The following MYBPC1 variants were observed in gnomAD, a reference collection of about 807,000 sequenced individuals.
MYBPC1 encodes the protein myosin binding protein C1, also known as myosin-binding protein C, slow-type.
A neutral mutation model predicts 147.1 loss-of-function variants in MYBPC1; 52 were observed. The ratio of observed to expected loss-of-function variants is 0.35; its 90% CI spans 0.28 to 0.45. The LOEUF (loss-of-function observed/expected upper bound fraction) is 0.45, where lower values mean the gene tolerates loss of function less well. Among genes scored for constraint, MYBPC1 ranks in the 20% least tolerant of loss-of-function variants. The pLI, the probability that MYBPC1 is intolerant of heterozygous loss-of-function variation, is 1.00. For synonymous variants in MYBPC1, 477 were observed against 475.9 expected, an observed-to-expected ratio of 1.00 and a Z score of -0.03; for missense variants, 1,228 against 1,440.3, an observed-to-expected ratio of 0.85 and a Z score of 2.39.
chr12:101,671,289 T>A (rs538872297), intron 24 of MYBPC1, among the ~76,000 whole-genome samples: 14 of 150,692 alleles, frequency 9.3e-5, no homozygotes, highest in African/African-American at 3.4e-4. Flanking sequence ...TGTAGGTCTC[T>A]ACACACATTT....
At chr12:101,624,066 G>A (rs930739286) in intron 3 of MYBPC1, among the ~76,000 whole-genome samples, 3 of 152,012 alleles carry the variant, frequency 2.0e-5, no homozygotes, top group African/African-American at 7.3e-5. Flanking sequence ...AGAGCTTTGA[G>A]ATATCCTGCA....
chr12:101,650,887 G>A (rs960642024), intron 15 of MYBPC1: 19 of 349,228 alleles, frequency 5.4e-5, no homozygotes, highest in Non-Finnish European at 9.4e-5. Context: ...TTCAAAATCT[G>A]ATGAGTAGTT....
In MYBPC1 at chr12:101,667,714, T is replaced by C; in HGVS notation, c.2357-18T>C. The C allele has an allele frequency of 6.2e-7, 1 of 1,614,156 alleles. No homozygotes were observed. The highest frequency in any genetic ancestry group is 8.5e-7 in the Non-Finnish European group (1 of 1,179,996). ...AACAGCATTCCTCCTTCTTTTCCTT[T>C]TCTTTTACGGACTTCAGCTGAGGAC... On this transcript the variant is annotated intron_variant, in intron 22 of 31. Transcript: ENST00000361466.
intron 1 of MYBPC1, among the ~76,000 whole-genome samples, chr12:101,598,089 C>G (rs537259051): frequency 6.6e-6 from 1 of 150,684 alleles, no homozygotes; most frequent in Non-Finnish European, 1.5e-5. Context: ...CCACAGTCTC[C>G]GCTCACTGCA....
chr12:101,630,177 CATA>C (rs767318350), intron 6 of MYBPC1, among the ~76,000 whole-genome samples: 1 of 152,196 alleles, frequency 6.6e-6, no homozygotes, highest in Non-Finnish European at 1.5e-5. Context: ...TTTCACTTAG[CATA>C]ATGTTTCCAA....
At chr12:101,606,349 A>G (rs1031482224) in intron 1 of MYBPC1, among the ~76,000 whole-genome samples, 1 of 152,150 alleles carries the variant, frequency 6.6e-6, no homozygotes, top group Non-Finnish European at 1.5e-5. Context: ...AAAAAGGCAA[A>G]TAATGTCTTA....
At chr12:101,670,795 G>GCACA (rs1898485257) in intron 24 of MYBPC1, among the ~76,000 whole-genome samples, 1 of 152,178 alleles carries the variant, frequency 6.6e-6, no homozygotes. Context: ...CAGGAAAACA[G>GCACA]TGTGTGCTTA....
Position 101,629,452 on chromosome 12 carries a change from C to A in MYBPC1, c.197C>A (p.Thr66Asn). 6.2e-7 allele frequency: 1 copy of A among 1,612,510 alleles called. No homozygotes were observed. The highest frequency in any genetic ancestry group is 2.2e-5 in the East Asian group (1 of 44,876). Residue 66 changes from threonine (T) to asparagine (N), a missense_variant, in exon 6 of 32, where the codon ACT (threonine) becomes AAT (asparagine). By Grantham distance (65) the Thr-to-Asn change is moderately conservative. Around this residue, in one of 2 missense-constraint regions of MYBPC1, gnomAD observed 151 missense variants for 126.1 expected, o/e 1.20. Coordinates refer to ENST00000361466, the MANE Select transcript of MYBPC1 (RefSeq NM_002465.4). ...RKDSDWTLVE[T>N]PPGEEQAKQN... Reference sequence around the variant, plus strand: ...TCATCAGACTGGACCCTTGTCGAAACTCCTCCTGGGGAGGAACAAGCCAAG... The same window carrying A: ...TCATCAGACTGGACCCTTGTCGAAAATCCTCCTGGGGAGGAACAAGCCAAG...
At chr12:101,627,639 T>C (rs1888917452) in intron 4 of MYBPC1, 130 bp from the exon 5 acceptor site, 1 of 981,740 alleles carries the variant, frequency 1.0e-6, no homozygotes, top group Non-Finnish European at 1.6e-6. Context: ...CCAAGCCAAC[T>C]TGTAGGGTTT....
chr12:101,683,022 T>G (rs1951115833), intron 30 of MYBPC1, among the ~76,000 whole-genome samples: 1 of 152,240 alleles, frequency 6.6e-6, no homozygotes, highest in Non-Finnish European at 1.5e-5. Flanking sequence ...TTTTTAAAGA[T>G]AGTTGACAGC....
chr12:101,629,365 A>C, intron 5 of MYBPC1, 69 bp from the exon 6 acceptor site: 1 of 1,062,052 alleles, frequency 9.4e-7, no homozygotes, highest in South Asian at 1.3e-5. Context: ...GAGAACAACA[A>C]ATCCAGGTAA....
intron 9 of MYBPC1, among the ~76,000 whole-genome samples, chr12:101,635,277 T>A (rs1890762752): frequency 6.6e-6 from 1 of 152,196 alleles, no homozygotes; most frequent in Non-Finnish European, 1.5e-5. Flanking sequence ...TTCTCTGTAC[T>A]TAATTATTCC....
At chr12:101,648,805 T>G (rs1042754705) in intron 14 of MYBPC1, among the ~76,000 whole-genome samples, 2 of 152,174 alleles carry the variant, frequency 1.3e-5, no homozygotes, top group Non-Finnish European at 2.9e-5. Context: ...ATCTTAAAAT[T>G]AAAAACTAGA....
chr12:101,608,952 G>T (rs578073165), intron 1 of MYBPC1, among the ~76,000 whole-genome samples: 2 of 152,264 alleles, frequency 1.3e-5, no homozygotes, highest in South Asian at 2.1e-4. Context: ...CCCACGGAAT[G>T]CCAGGGGACG....
At chr12:101,647,135 G>C (rs1893346034) in intron 13 of MYBPC1, 1 of 492,858 alleles carries the variant, frequency 2.0e-6, no homozygotes, top group Admixed American at 3.2e-5. Flanking sequence ...TTATAGCTTT[G>C]AAACCCAACA....
the MYBPC1 span, among the ~76,000 whole-genome samples, chr12:101,693,371 T>C: frequency 6.6e-6 from 1 of 152,240 alleles, no homozygotes; most frequent in Non-Finnish European, 1.5e-5. Context: ...ATGTTACTAC[T>C]ACTCAGTTAA....
intron 26 of MYBPC1, among the ~76,000 whole-genome samples, chr12:101,676,953 A>G (rs1900135273): frequency 6.6e-6 from 1 of 152,196 alleles, no homozygotes. Context: ...AAGGTTATGA[A>G]AAAATATAAA....
At chr12:101,624,341 G>C (rs1409337365) in intron 3 of MYBPC1, among the ~76,000 whole-genome samples, 1 of 152,120 alleles carries the variant, frequency 6.6e-6, no homozygotes, top group African/African-American at 2.4e-5. Flanking sequence ...TATTCTAATA[G>C]ATTATATAAA....
At chr12:101,666,674 C>G in intron 22 of MYBPC1, 1 of 1,359,210 alleles carries the variant, frequency 7.4e-7, no homozygotes, top group Non-Finnish European at 1.1e-6. Flanking sequence ...AGAATGCTGA[C>G]TGCTGATACG....
Sources: allele counts gnomAD v4.1 joint callset (sites outside exome capture counted in the v4.1 genomes callset), GRCh38; gene constraint gnomAD v4.1.1; regional missense constraint gnomAD v4.1.1; transcripts MANE v1.5; gene names NCBI Gene and HGNC (gene_info 2026-07-23, HGNC 2026-07-21).